The following NCAPD3 variants were observed in gnomAD, a reference collection of about 807,000 sequenced individuals.
The protein encoded by NCAPD3 is condensin-2 complex subunit D3.
NCAPD3 carries 105 observed loss-of-function variants against 182.9 expected under a neutral mutation model. That is an observed-to-expected ratio of 0.57 (90% confidence interval 0.49 to 0.68). The LOEUF is 0.68. Ranked by LOEUF, NCAPD3 falls within the 30% of genes least tolerant of loss-of-function variation. NCAPD3 has a pLI of 0.00. For missense variants in NCAPD3, 1,944 were observed against 1,837.0 expected, an observed-to-expected ratio of 1.06 and a Z score of -1.07; for synonymous variants, 815 against 679.9, an observed-to-expected ratio of 1.20 and a Z score of -3.09.
chr11:134,161,330 C>G (rs1225187303), intron 28 of NCAPD3, among the ~76,000 whole-genome samples: 1 of 152,190 alleles, frequency 6.6e-6, no homozygotes, highest in Non-Finnish European at 1.5e-5. Context: ...ACAAAGAATT[C>G]AGCCTGGTGA....
At chr11:134,206,548 G>A in intron 8 of NCAPD3, 51 bp downstream of exon 8, 1 of 1,601,540 alleles carries the variant, frequency 6.2e-7, no homozygotes, top group Non-Finnish European at 8.5e-7. Flanking sequence ...GCAGGGCCCA[G>A]AGTACTGAGG....
intron 12 of NCAPD3, 72 bp from the exon 13 acceptor site, chr11:134,202,977 A>T: frequency 2.3e-6 from 3 of 1,312,192 alleles, no homozygotes; most frequent in Non-Finnish European, 3.2e-6. Flanking sequence ...AGGGCATGTT[A>T]CTCATTTAAG....
chr11:134,225,365 C>G (rs770460078), upstream of NCAPD3: 1 of 1,612,184 alleles, frequency 6.2e-7, no homozygotes, highest in South Asian at 1.1e-5. Context: ...CCCCCGGGAC[C>G]CCCTCCCCCA....
chr11:134,203,386 C>T (rs1365726023), intron 11 of NCAPD3, among the ~76,000 whole-genome samples, 188 bp from the exon 12 acceptor site: 2 of 152,102 alleles, frequency 1.3e-5, no homozygotes, highest in Admixed American at 1.3e-4. Context: ...CGACCAATGC[C>T]CACCAATGCA....
At chr11:134,163,239 A>G (rs1032906892) in intron 27 of NCAPD3, among the ~76,000 whole-genome samples, 3 of 152,238 alleles carry the variant, frequency 2.0e-5, no homozygotes, top group African/African-American at 7.2e-5. Context: ...TAATAAATTT[A>G]CCCATTTTAA....
chr11:134,167,441 TGA>T lies in NCAPD3; in HGVS notation c.3573+553_3573+554del, dbSNP rs546891394. On this transcript the variant is annotated intron_variant, in intron 27 of 34. Coordinates refer to ENST00000534548, the MANE Select transcript of NCAPD3 (RefSeq NM_015261.3). ...TGAGCTTGGGGGAGGCGCACACTCG[TGA>T]GAGGAGCTTAGGGGAGGCGCACACT... Among the ~76,000 whole-genome samples the T allele has an allele frequency of 3.4e-5, 4 of 118,630 alleles. No homozygotes were observed. The South Asian group carries it at 1.3e-3, about 37-fold the overall frequency. 77.8% of individuals were successfully genotyped at this position (118,630 alleles called of 152,430 possible). A position where few individuals can be genotyped will look rare whatever the true frequency, so the allele number is the denominator to read the frequency against.
chr11:134,204,260 G>T lies in NCAPD3; in HGVS notation c.1090-89C>A. ...TGTAATATAAGTTGAAAGTCAGTGA[G>T]TACAACTAGTTCAATGACCTTTAAA... On this transcript the variant is annotated intron_variant, in intron 9 of 34. Transcript: ENST00000534548. The surrounding 1 kb of genome is among the most constrained non-coding windows in gnomAD (Gnocchi z 4.3). 7.1e-7 allele frequency: 1 copy of T among 1,403,040 alleles called. No homozygotes were observed. Among genetic ancestry groups the T allele is most frequent in the Non-Finnish European group, 9.8e-7 (1 of 1,023,494 alleles). 86.9% of individuals were successfully genotyped at this position (1,403,040 alleles called of 1,614,324 possible). A position where few individuals can be genotyped will look rare whatever the true frequency, so the allele number is the denominator to read the frequency against.
rs368399444 is a variant in NCAPD3 at position 134,152,961 on chromosome 11, G to T, written c.4480C>A (p.Leu1494Met). 42 of 1,560,688 alleles carry T rather than the reference G, an allele frequency of 2.7e-5. No homozygotes were observed. The highest frequency in any genetic ancestry group is 9.5e-5 in the Admixed American group (5 of 52,706). Reference protein sequence around the residue: ...CSRRSLRKTPLKTAN With the variant: ...CSRRSLRKTPMKTAN The stretch of plus-strand genomic sequence containing the variant: ...GGCGCTGTTTAGTTGGCTGTTTTCA[G>T]AGGGGTCTTTCGGAGGGACCTCCTG... The change falls in exon 35 of 35, where the codon CTG becomes ATG. Residue 1494 changes from leucine (L) to methionine (M), a missense_variant. Leu to Met is a conservative substitution (Grantham distance 15). Around this residue, in one of 3 missense-constraint regions of NCAPD3, gnomAD observed 1,803 missense variants for 1,674.6 expected, o/e 1.08. Transcript: ENST00000534548.
rs1333419976 is a variant in NCAPD3 at position 134,158,376 on chromosome 11, AGAT to A, written c.3984_3986del (p.Ser1329del). The A allele has an allele frequency of 6.2e-7, 1 of 1,614,110 alleles. No individual in the cohort carries two copies. The highest frequency in any genetic ancestry group is 1.1e-5 in the South Asian group (1 of 91,080). ...GCAATGGCCCTGTTTCAGGTGTAGG[AGAT>A]GATACTGCTACATGGCCAGCACTTG... On this transcript the variant is annotated inframe_deletion, in exon 30 of 35. Transcript: ENST00000534548.
intron 13 of NCAPD3, among the ~76,000 whole-genome samples, chr11:134,199,843 C>A (rs146761649): frequency 7.2e-5 from 11 of 152,084 alleles, no homozygotes; most frequent in Non-Finnish European, 7.4e-5. Context: ...TAGAACGCAA[C>A]GGCAATCAAC....
At chr11:134,172,518 C>T (rs949962761) in intron 24 of NCAPD3, among the ~76,000 whole-genome samples, 3 of 152,204 alleles carry the variant, frequency 2.0e-5, no homozygotes, top group African/African-American at 7.2e-5. Context: ...TTGTTGCCCC[C>T]TTTTCTATCT....
chr11:134,196,645 CAAA>C (rs998502328), intron 13 of NCAPD3, among the ~76,000 whole-genome samples: 1 of 57,878 alleles, frequency 1.7e-5, no homozygotes, highest in Non-Finnish European at 3.4e-5. Flanking sequence ...AACTCCATCT[CAAA>C]AAAAAAAAAA....
At position 134,192,690 on chromosome 11, in the gene NCAPD3, T is replaced by A; in HGVS notation, c.2044A>T (p.Ser682Cys). Residue 682 changes from serine to cysteine, a missense_variant and splice_region_variant, in exon 16 of 35, where the codon AGC becomes TGC. Physicochemically the swap from Ser to Cys is moderately radical, Grantham distance 112 (BLOSUM62 -1). Transcript: ENST00000534548. ...TLLTTESQELSRYLNKAFHIW... is the reference protein window; with the variant it reads ...TLLTTESQELCRYLNKAFHIW... ...ACACAGGTCATACAGTTAACCTACC[T>A]CAGTTCCTGGCTTTCGGTGGTGAGG... 1 of 1,612,852 alleles carries A rather than the reference T, an allele frequency of 6.2e-7. No individual in the cohort carries two copies. The highest frequency in any genetic ancestry group is 1.3e-5 in the African/African-American group (1 of 75,022).
intron 2 of NCAPD3, 130 bp from the exon 3 acceptor site, chr11:134,217,228 T>A (rs1938061454): frequency 4.2e-6 from 3 of 718,002 alleles, no homozygotes; most frequent in African/African-American, 1.8e-5. Context: ...TACTGCTAAA[T>A]GTTTACCATC....
At chr11:134,172,072 TG>T (rs1485574535) in intron 24 of NCAPD3, among the ~76,000 whole-genome samples, 2 of 152,168 alleles carry the variant, frequency 1.3e-5, no homozygotes, top group East Asian at 3.9e-4. Flanking sequence ...GTTCTGACAC[TG>T]GAAGACAGCT....
chr11:134,225,033 T>C (rs1938412370), upstream of NCAPD3: 2 of 1,273,242 alleles, frequency 1.6e-6, no homozygotes, highest in Non-Finnish European at 1.0e-6. Flanking sequence ...CGCTCGCGCA[T>C]CGGGCCCTCT....
Position 134,216,929 on chromosome 11 carries a change from T to C in NCAPD3, c.382+7A>G, listed in dbSNP as rs1565559313. On this transcript the variant is annotated splice_region_variant and intron_variant, in intron 3 of 34. Transcript: ENST00000534548. ...AAGATTTATCCTATCATATCAGGTC[T>C]ACATACCTGGTACTTCTAGTAGCAA... The C allele has an allele frequency of 1.9e-6, 3 of 1,606,462 alleles. No homozygotes were observed. The highest frequency in any genetic ancestry group is 1.7e-6 in the Non-Finnish European group (2 of 1,177,600).
Position 134,177,606 on chromosome 11 carries a change from C to G in NCAPD3, c.2783-149G>C, listed in dbSNP as rs183274460. The G allele has an allele frequency of 3.2e-4, 209 of 650,812 alleles. 2 individuals are homozygous for G. In the East Asian group the frequency reaches 5.3e-3, roughly 17 times the overall value. 40.3% of individuals were successfully genotyped at this position (650,812 alleles called of 1,614,324 possible). On this transcript the variant is annotated intron_variant, in intron 22 of 34. Coordinates refer to ENST00000534548, the MANE Select transcript of NCAPD3 (RefSeq NM_015261.3). ...ATCACAAACAACAAAAAACTAAAGG[C>G]AGACAGACCCATCTTGAATAGTCGA...
At chr11:134,201,563 T>C (rs34903942) in intron 13 of NCAPD3, among the ~76,000 whole-genome samples, 12,106 of 152,276 alleles carry the variant, frequency 0.08, 614 homozygotes, top group Admixed American at 0.11. Flanking sequence ...GCAAAGTGCA[T>C]CTAAGTGACT....
Sources: gnomAD v4.1 joint callset for allele counts (sites outside exome capture counted in the v4.1 genomes callset) on GRCh38, gnomAD v4.1.1 for gene constraint, gnomAD v4.1.1 regional missense constraint, Gnocchi (gnomAD v3.1) non-coding constraint, MANE v1.5 for transcripts, NCBI Gene and HGNC (gene_info 2026-07-23, HGNC 2026-07-21) for gene names.